RABGAP1L: variants seen among roughly 807,000 people sequenced by gnomAD.
RABGAP1L encodes RAB GTPase activating protein 1 like, also known as rab GTPase-activating protein 1-like.
RABGAP1L carries 63 observed loss-of-function variants against 137.7 expected under a neutral mutation model. The ratio of observed to expected loss-of-function variants is 0.46; its 90% CI spans 0.37 to 0.56. The LOEUF (loss-of-function observed/expected upper bound fraction) is 0.56, where lower values mean the gene tolerates loss of function less well. RABGAP1L is among the 20% of genes least tolerant of loss of function. The probability of loss-of-function intolerance (pLI) is 0.00; values close to 1 mark genes in which losing one functional copy is unlikely to be tolerated. For missense variants in RABGAP1L, 1,095 were observed against 1,244.0 expected (o/e 0.88, Z 1.80); for synonymous variants, 431 against 433.7 (o/e 0.99, Z 0.08).
At chr1:174,955,892 G>A (rs900653738) in intron 19 of RABGAP1L, among the ~76,000 whole-genome samples, 17 of 152,080 alleles carry the variant, frequency 1.1e-4, no homozygotes, top group Non-Finnish European at 2.4e-4. Flanking sequence ...GACCAGCCTA[G>A]GCAACATAGC....
chr1:174,376,141 A>G (rs1053840979), intron 12 of RABGAP1L, among the ~76,000 whole-genome samples: 2 of 151,284 alleles, frequency 1.3e-5, no homozygotes, highest in Non-Finnish European at 2.9e-5. Flanking sequence ...ATAGAGAAAG[A>G]GAGAAGGAAG....
At chr1:174,335,804 G>A (rs1192061097) in intron 11 of RABGAP1L, among the ~76,000 whole-genome samples, 1 of 152,162 alleles carries the variant, frequency 6.6e-6, no homozygotes, top group African/African-American at 2.4e-5. Context: ...CTGGAAGAGG[G>A]CATATTTGTG....
intron 17 of RABGAP1L, among the ~76,000 whole-genome samples, chr1:174,744,937 T>C (rs1191026854): frequency 6.6e-6 from 1 of 152,214 alleles, no homozygotes; most frequent in African/African-American, 2.4e-5. Flanking sequence ...TAGGACTTCT[T>C]GGTACTGTTT....
intron 19 of RABGAP1L, among the ~76,000 whole-genome samples, chr1:174,916,188 CT>C (rs1413838378): frequency 6.6e-6 from 1 of 151,630 alleles, no homozygotes; most frequent in African/African-American, 2.4e-5. Context: ...ATTCTTTCCC[CT>C]ATTGAATTTC....
chr1:174,958,774 C>T (rs547900769), intron 20 of RABGAP1L, among the ~76,000 whole-genome samples: 2 of 152,312 alleles, frequency 1.3e-5, no homozygotes, highest in Admixed American at 1.3e-4. Flanking sequence ...TTTTAGAGCA[C>T]AGGATTTGGA....
intron 5 of RABGAP1L, chr1:174,244,560 G>A (rs1301918668): frequency 6.6e-6 from 1 of 152,202 alleles, no homozygotes; most frequent in Non-Finnish European, 1.5e-5. Flanking sequence ...GCAGGACTGT[G>A]CTTTAGTAGA....
chr1:174,355,191 T>G (rs935031953), intron 11 of RABGAP1L, among the ~76,000 whole-genome samples: 2 of 152,056 alleles, frequency 1.3e-5, no homozygotes, highest in African/African-American at 4.8e-5. Flanking sequence ...CTATTCACAA[T>G]AGCAAAGACT....
chr1:174,669,201 G>A (rs1677006295), intron 14 of RABGAP1L, among the ~76,000 whole-genome samples: 1 of 152,132 alleles, frequency 6.6e-6, no homozygotes, highest in Non-Finnish European at 1.5e-5. Context: ...GAGAATGAAT[G>A]CAGGAGGAAC....
chr1:174,772,910 A>G (rs914782768), intron 18 of RABGAP1L, among the ~76,000 whole-genome samples: 1 of 152,222 alleles, frequency 6.6e-6, no homozygotes, highest in African/African-American at 2.4e-5. Context: ...ATTAATTAAA[A>G]GAAATCCTAA....
At chr1:174,728,508 G>C (rs1169401421) in intron 17 of RABGAP1L, among the ~76,000 whole-genome samples, 6 of 151,572 alleles carry the variant, frequency 4.0e-5, no homozygotes, top group African/African-American at 1.5e-4. Flanking sequence ...CTTGTTCATG[G>C]ATTGGAAGAA....
At position 174,458,095 on chromosome 1, in the gene RABGAP1L, A is replaced by C. The variant is rs910528925; in HGVS notation, c.1710+63950A>C. Among the ~76,000 whole-genome samples the C allele has an allele frequency of 8.5e-5, 13 of 152,142 alleles. 1 individual carries two copies. Among genetic ancestry groups the C allele is most frequent in the Admixed American group, 8.5e-4 (13 of 15,276 alleles). ...AGTTCTCCAAGAGCACTTAGACTAC[A>C]AGGGGCTATATGGACTTTATATGGA... is the stretch of plus-strand genomic sequence containing the variant. On this transcript the variant is annotated intron_variant, in intron 13 of 25. Coordinates refer to ENST00000681986, the MANE Select transcript of RABGAP1L (RefSeq NM_001366446.1).
intron 13 of RABGAP1L, among the ~76,000 whole-genome samples, chr1:174,438,208 A>G (rs1425697378): frequency 6.6e-6 from 1 of 152,152 alleles, no homozygotes; most frequent in Non-Finnish European, 1.5e-5. Context: ...ATGTCTTGAA[A>G]TCAGGTTGTG....
chr1:174,586,724 A>T (rs977663244), intron 13 of RABGAP1L, among the ~76,000 whole-genome samples: 1 of 151,964 alleles, frequency 6.6e-6, no homozygotes, highest in African/African-American at 2.4e-5. Context: ...CAGCCTCCCA[A>T]GTAGCTGGTA....
rs186177616 is a variant in RABGAP1L at position 174,906,239 on chromosome 1, G to A, written c.2341-51218G>A. Among the ~76,000 whole-genome samples the A allele has an allele frequency of 4.9e-4, 74 of 151,994 alleles. 1 individual carries two copies. Among genetic ancestry groups the A allele is most frequent in the African/African-American group, 1.6e-3 (65 of 41,466 alleles). On this transcript the variant is annotated intron_variant, in intron 19 of 25. Coordinates refer to ENST00000681986, the MANE Select transcript of RABGAP1L (RefSeq NM_001366446.1). ...TCACCATGTTAGCCAGGCTGGTCTC[G>A]AACTCCTGACTTCAAGTGATCCACC...
At chr1:174,488,367 G>A (rs74367921) in intron 13 of RABGAP1L, among the ~76,000 whole-genome samples, 11,873 of 151,694 alleles carry the variant, frequency 0.078, 654 homozygotes, top group East Asian at 0.32. Context: ...CTGTCTCCTG[G>A]CCCATAAGGT....
chr1:174,989,804 G>A (rs932311866), intron 25 of RABGAP1L, 45 bp from the exon 26 acceptor site: 9 of 1,530,862 alleles, frequency 5.9e-6, no homozygotes, highest in Non-Finnish European at 7.1e-6. Flanking sequence ...TATTGGCAAA[G>A]AGAAAACATT....
chr1:174,784,120 G>C (rs138018789), intron 18 of RABGAP1L, among the ~76,000 whole-genome samples: 3,302 of 142,960 alleles, frequency 0.023, 56 homozygotes, highest in Middle Eastern at 0.091. Flanking sequence ...CCCGGGTTCA[G>C]GCCATTCTCC....
intron 17 of RABGAP1L, among the ~76,000 whole-genome samples, chr1:174,703,999 C>A (rs1303525536): frequency 2.0e-5 from 3 of 151,926 alleles, no homozygotes; most frequent in African/African-American, 7.3e-5. Context: ...TTTCTATTCT[C>A]TTTTCTTTCT....
At chr1:174,833,493 GC>G (rs1692402109) in intron 19 of RABGAP1L, among the ~76,000 whole-genome samples, 1 of 81,878 alleles carries the variant, frequency 1.2e-5, no homozygotes, top group Middle Eastern at 6.7e-3. Context: ...CTGTCATGTT[GC>G]CCAAACTCCT....
Sources: gnomAD v4.1 joint callset for allele counts (sites outside exome capture counted in the v4.1 genomes callset) on GRCh38, gnomAD v4.1.1 for gene constraint, MANE v1.5 for transcripts, NCBI Gene and HGNC (gene_info 2026-07-23, HGNC 2026-07-21) for gene names.